The following STAC variants were observed in gnomAD, a reference collection of about 807,000 sequenced individuals.
STAC encodes SH3 and cysteine-rich domain-containing protein.
In STAC, 43 loss-of-function variants were observed where a neutral mutation model predicts 48.8. The ratio of observed to expected loss-of-function variants is 0.88; its 90% CI spans 0.69 to 1.14. The LOEUF (loss-of-function observed/expected upper bound fraction) is 1.14, where lower values mean the gene tolerates loss of function less well. STAC is among the 50% of genes most tolerant of loss of function. STAC has a pLI of 0.00. For missense variants in STAC, 497 were observed against 504.0 expected (o/e 0.99, Z 0.13); for synonymous variants, 193 against 179.5 (o/e 1.07, Z -0.60).
At chr3:36,411,923 A>G (rs1485829967) in intron 1 of STAC, among the ~76,000 whole-genome samples, 2 of 152,148 alleles carry the variant, frequency 1.3e-5, no homozygotes, top group African/African-American at 2.4e-5. Flanking sequence ...TCACAATAAT[A>G]TTTTGGATTT....
intron 2 of STAC, among the ~76,000 whole-genome samples, chr3:36,450,246 GA>G (rs984744747): frequency 3.9e-5 from 6 of 151,938 alleles, no homozygotes; most frequent in South Asian, 2.1e-4. Context: ...TAGTAAATGG[GA>G]AAAAAAATAG....
intron 1 of STAC, among the ~76,000 whole-genome samples, chr3:36,416,298 T>G (rs1307823420): frequency 4.6e-5 from 7 of 152,060 alleles, no homozygotes; most frequent in Admixed American, 4.6e-4. Flanking sequence ...TAGTGAGACA[T>G]GGTATCTCCA....
intron 2 of STAC, among the ~76,000 whole-genome samples, chr3:36,470,168 T>C (rs1697291539): frequency 6.6e-6 from 1 of 152,214 alleles, no homozygotes; most frequent in African/African-American, 2.4e-5. Flanking sequence ...CAGAATTGTT[T>C]TTCTGGTTCT....
chr3:36,510,709 A>G (rs1465824255), intron 8 of STAC, among the ~76,000 whole-genome samples: 5 of 152,208 alleles, frequency 3.3e-5, no homozygotes, highest in African/African-American at 1.2e-4. Flanking sequence ...ACACAAGAAC[A>G]GAAAACCAAA....
chr3:36,503,786 C>A (rs1575245540), intron 6 of STAC, among the ~76,000 whole-genome samples: 1 of 152,034 alleles, frequency 6.6e-6, no homozygotes, highest in Non-Finnish European at 1.5e-5. Context: ...AGAGTGGATA[C>A]TTAAATACAA....
In STAC at chr3:36,388,595, T is replaced by C. The variant is rs148977011; in HGVS notation, c.111+7841T>C. Among the ~76,000 whole-genome samples, 4 of 152,192 alleles carry C rather than the reference T, an allele frequency of 2.6e-5. No homozygotes were observed. In the East Asian group the frequency reaches 5.8e-4, roughly 22 times the overall value. On this transcript the variant is annotated intron_variant, in intron 1 of 10. Transcript: ENST00000273183. ...AATAAAATAACCTGTATCATTTCTCTAGATCCTCAATATGTACTTTTTGCT... is the reference window on the plus strand; with the variant it reads ...AATAAAATAACCTGTATCATTTCTCCAGATCCTCAATATGTACTTTTTGCT...
At chr3:36,453,344 G>T (rs1034642593) in intron 2 of STAC, among the ~76,000 whole-genome samples, 2 of 152,322 alleles carry the variant, frequency 1.3e-5, no homozygotes, top group Admixed American at 1.3e-4. Context: ...GAGGTGTGGA[G>T]GGAGAGGCGT....
At chr3:36,440,695 A>T (rs1696320816) in intron 1 of STAC, among the ~76,000 whole-genome samples, 1 of 152,224 alleles carries the variant, frequency 6.6e-6, no homozygotes. Flanking sequence ...TCACATTGCA[A>T]AGTGCCTGGA....
chr3:36,545,806 A>G (rs1699431214), intron 10 of STAC, among the ~76,000 whole-genome samples: 1 of 152,178 alleles, frequency 6.6e-6, no homozygotes, highest in South Asian at 2.1e-4. Context: ...AATGATAGCT[A>G]TTATTTTGGT....
intron 5 of STAC, among the ~76,000 whole-genome samples, chr3:36,487,301 C>T (rs1322882458): frequency 1.3e-5 from 2 of 152,168 alleles, no homozygotes; most frequent in African/African-American, 2.4e-5. Context: ...GTGAATAGGT[C>T]GGGTAGGCAA....
intron 1 of STAC, among the ~76,000 whole-genome samples, chr3:36,416,439 C>T (rs1229469046): frequency 5.3e-5 from 8 of 152,206 alleles, no homozygotes; most frequent in East Asian, 3.9e-4. Context: ...TGCCACTGCA[C>T]TCTGGTATAT....
intron 2 of STAC, among the ~76,000 whole-genome samples, chr3:36,444,292 T>G (rs1339282975): frequency 7.9e-5 from 12 of 152,200 alleles, no homozygotes; most frequent in Non-Finnish European, 1.8e-4. Flanking sequence ...GTCAAAGATT[T>G]CCACCAGAAA....
chr3:36,530,580 CTT>C (rs775751742), intron 10 of STAC, among the ~76,000 whole-genome samples: 10 of 102,704 alleles, frequency 9.7e-5, no homozygotes, highest in African/African-American at 4.1e-4. Context: ...TTCACCTTTT[CTT>C]TTTTTTTTTT....
chr3:36,533,912 A>G (rs1699134518), intron 10 of STAC, among the ~76,000 whole-genome samples: 1 of 152,112 alleles, frequency 6.6e-6, no homozygotes, highest in Admixed American at 6.6e-5. Context: ...ATATAGGCAA[A>G]TTGCATGTCA....
intron 1 of STAC, among the ~76,000 whole-genome samples, chr3:36,432,802 T>C (rs1700737815): frequency 6.6e-6 from 1 of 152,146 alleles, no homozygotes; most frequent in Non-Finnish European, 1.5e-5. Flanking sequence ...ATCTATAAGA[T>C]TTGGGCACAT....
At chr3:36,529,259 C>A in intron 10 of STAC, 1 of 211,634 alleles carries the variant, frequency 4.7e-6, no homozygotes. Flanking sequence ...AGAAGACCAC[C>A]GGTCTCTGAT....
intron 8 of STAC, among the ~76,000 whole-genome samples, chr3:36,525,024 A>G (rs1293407629): frequency 6.6e-6 from 1 of 152,148 alleles, no homozygotes; most frequent in Non-Finnish European, 1.5e-5. Flanking sequence ...ATACTTAATA[A>G]TTATACATAT....
intron 1 of STAC, among the ~76,000 whole-genome samples, chr3:36,437,102 C>T (rs1445809829): frequency 5.3e-5 from 8 of 151,932 alleles, no homozygotes; most frequent in Admixed American, 3.3e-4. Flanking sequence ...GTGAGAATGG[C>T]GATCATTAAA....
At chr3:36,407,602 G>A (rs1227406966) in intron 1 of STAC, among the ~76,000 whole-genome samples, 1 of 152,188 alleles carries the variant, frequency 6.6e-6, no homozygotes, top group Non-Finnish European at 1.5e-5. Context: ...GCTTTTATAT[G>A]AGCCACTTTG....
Sources: gnomAD v4.1 joint callset for allele counts (sites outside exome capture counted in the v4.1 genomes callset) on GRCh38, gnomAD v4.1.1 for gene constraint, MANE v1.5 for transcripts, NCBI Gene and HGNC (gene_info 2026-07-23, HGNC 2026-07-21) for gene names.